CEP290: variants seen among roughly 807,000 people sequenced by gnomAD.
CEP290 encodes the protein centrosomal protein 290, also known as centrosomal protein of 290 kDa.
In CEP290, 317 loss-of-function variants were observed where a neutral mutation model predicts 344.9. The ratio of observed to expected loss-of-function variants is 0.92; its 90% confidence interval spans 0.84 to 1.01. The LOEUF (loss-of-function observed/expected upper bound fraction) is 1.01, where lower values mean the gene tolerates loss of function less well. Ranked by LOEUF, CEP290 falls within the 50% of genes least tolerant of loss-of-function variation. CEP290 has a pLI of 0.00. For missense variants in CEP290, 2,754 were observed against 2,761.4 expected, an observed-to-expected ratio of 1.00 and a Z score of 0.06; for synonymous variants, 932 against 895.8, an observed-to-expected ratio of 1.04 and a Z score of -0.72.
chr12:88,056,345 C>T (rs1034303448), intron 49 of CEP290, among the ~76,000 whole-genome samples: 15 of 151,900 alleles, frequency 9.9e-5, no homozygotes, highest in African/African-American at 2.9e-4. Context: ...AAAAATAATG[C>T]TTACAATATC....
Position 88,141,342 on chromosome 12 carries a change from A to C in CEP290, c.-27-8T>G. On this transcript the variant is annotated splice_polypyrimidine_tract_variant and splice_region_variant and intron_variant, in intron 1 of 53. Transcript: ENST00000552810. ...TTTCACTGTGCTCCACCTCTGTAAC[A>C]AAACAGGTGTATATTAGCATTTTCA... 7.2e-7 allele frequency: 1 copy of C among 1,393,752 alleles called. No homozygotes were observed. The highest frequency in any genetic ancestry group is 1.0e-6 in the Non-Finnish European group (1 of 997,610). 86.3% of individuals were successfully genotyped at this position (1,393,752 alleles called of 1,614,324 possible). A position where few individuals can be genotyped will look rare whatever the true frequency, so the allele number is the denominator to read the frequency against.
intron 49 of CEP290, among the ~76,000 whole-genome samples, chr12:88,056,537 C>CA (rs921572357): frequency 3.3e-5 from 5 of 152,072 alleles, no homozygotes; most frequent in African/African-American, 1.2e-4. Context: ...TTTAACCTGA[C>CA]AGAGATTATC....
chr12:88,125,020 T>C (rs1168772419), intron 13 of CEP290, among the ~76,000 whole-genome samples: 1 of 151,960 alleles, frequency 6.6e-6, no homozygotes, highest in Non-Finnish European at 1.5e-5. Context: ...GTAATAAACG[T>C]TAATGTAATT....
At chr12:88,092,603 A>G in intron 29 of CEP290, 78 bp downstream of exon 29, 1 of 1,233,188 alleles carries the variant, frequency 8.1e-7, no homozygotes, top group Non-Finnish European at 1.1e-6. Context: ...AGAATTGTAT[A>G]CCTGTAATTG....
At chr12:88,072,619 A>C (rs1404631527) in intron 41 of CEP290, among the ~76,000 whole-genome samples, 1 of 152,148 alleles carries the variant, frequency 6.6e-6, no homozygotes, top group Non-Finnish European at 1.5e-5. Context: ...TCCTCTGTAC[A>C]AACGACCAAC....
At chr12:88,078,015 T>C (rs1047984755) in intron 39 of CEP290, 97 bp from the exon 40 acceptor site, 22 of 533,062 alleles carry the variant, frequency 4.1e-5, no homozygotes, top group Admixed American at 2.8e-4. Flanking sequence ...ATAAGAAAAA[T>C]TCAGTCTGAA....
In CEP290 at chr12:88,139,638, T is replaced by A. The variant is rs948372503; in HGVS notation, c.181-74A>T. ...AAGCACTGAAAATAAAAATTCTGTTTTATTTGTTATGATCCTTAGTGCCAG... is the reference window on the plus strand; with the variant it reads ...AAGCACTGAAAATAAAAATTCTGTTATATTTGTTATGATCCTTAGTGCCAG... On this transcript the variant is annotated intron_variant, in intron 3 of 53. Transcript: ENST00000552810. 2.6e-6 allele frequency: 3 copies of A among 1,148,428 alleles called. No homozygotes were observed. The African/African-American group carries it at 4.8e-5, about 18-fold the overall frequency. 71.1% of individuals were successfully genotyped at this position (1,148,428 alleles called of 1,614,324 possible).
rs529480562 is a variant in CEP290 at position 88,102,508 on chromosome 12, T to C, written c.2991+330A>G. 3.3e-5 allele frequency among the ~76,000 whole-genome samples: 5 copies of C among 152,304 alleles called. No homozygotes were observed. In the South Asian group the frequency reaches 1.0e-3, roughly 32 times the overall value. ...CCTCCTTTGATTACAATATTCTACC[T>C]GTTTCATGCTCCTTTTTCTCTTAGA... On this transcript the variant is annotated intron_variant, in intron 26 of 53. Transcript: ENST00000552810.
At chr12:88,137,674 C>A (rs1263828445) in intron 5 of CEP290, among the ~76,000 whole-genome samples, 1 of 152,216 alleles carries the variant, frequency 6.6e-6, no homozygotes, top group African/African-American at 2.4e-5. Context: ...ATCCTCCTTT[C>A]CATCTCCTTG....
Position 88,049,117 on chromosome 12 carries a change from A to T in CEP290, c.*67T>A. ...AATACTACAGTTCGGAGAACTGCTT[A>T]TTTCCAAGTATATTTAACTTATAAA... On this transcript the variant is annotated 3_prime_UTR_variant, in exon 54 of 54. Transcript: ENST00000552810. The T allele has an allele frequency of 1.1e-6, 1 of 924,588 alleles. No individual in the cohort carries two copies. The highest frequency in any genetic ancestry group is 1.6e-6 in the Non-Finnish European group (1 of 606,586). The allele number at this position is 924,588 out of a possible 1,614,324, so 57.3% of individuals were successfully genotyped here.
At chr12:88,109,220 A>C (rs1462737746) in intron 22 of CEP290, 39 bp from the exon 23 acceptor site, 4 of 664,328 alleles carry the variant, frequency 6.0e-6, no homozygotes, top group Non-Finnish European at 1.0e-5. Flanking sequence ...AAAAAAAAAC[A>C]CAATAGAATA....
chr12:88,104,681 C>T (rs1397270603), intron 25 of CEP290, among the ~76,000 whole-genome samples: 1 of 151,966 alleles, frequency 6.6e-6, no homozygotes, highest in African/African-American at 2.4e-5. Flanking sequence ...GTGTAGAATA[C>T]TTTGCCTATA....
In CEP290 at chr12:88,106,718, T is replaced by A. The variant is rs752161315; in HGVS notation, c.2774A>T (p.Glu925Val). The A allele has an allele frequency of 6.2e-7, 1 of 1,611,590 alleles. No individual in the cohort carries two copies. Among genetic ancestry groups the A allele is most frequent in the East Asian group, 2.2e-5 (1 of 44,736 alleles). Reference protein sequence around the residue: ...EKQKNELLSMEAEVCEKIGCL... With the variant: ...EKQKNELLSMVAEVCEKIGCL... ...CCCAATTTTTTCACAAACTTCAGCC[T>A]CCATTGACAACAATTCATTCTTTTG... The change falls in exon 25 of 54, where the codon GAG becomes GTG. Residue 925 changes from glutamate to valine, a missense_variant. Coordinates refer to ENST00000552810, the MANE Select transcript of CEP290 (RefSeq NM_025114.4).
rs534754157 is a variant in CEP290 at position 88,139,608 on chromosome 12, A to T, written c.181-44T>A. 9.8e-5 allele frequency: 131 copies of T among 1,335,298 alleles called. No homozygotes were observed. In the East Asian group the frequency reaches 3.5e-3, roughly 36 times the overall value. The allele number at this position is 1,335,298 out of a possible 1,614,324, so 82.7% of individuals were successfully genotyped here. ...TTATTTCAATATGCCTTTATACTGG[A>T]ATGTAAGCACTGAAAATAAAAATTC... On this transcript the variant is annotated intron_variant, in intron 3 of 53. Coordinates refer to ENST00000552810, the MANE Select transcript of CEP290 (RefSeq NM_025114.4).
At chr12:88,110,561 A>G (rs2038614757) in intron 22 of CEP290, among the ~76,000 whole-genome samples, 2 of 151,994 alleles carry the variant, frequency 1.3e-5, no homozygotes, top group South Asian at 4.1e-4. Context: ...AAAAAAATAC[A>G]AAAATTAGCC....
intron 25 of CEP290, among the ~76,000 whole-genome samples, chr12:88,106,274 C>T (rs569677054): frequency 5.9e-5 from 9 of 152,062 alleles, no homozygotes; most frequent in African/African-American, 2.2e-4. Flanking sequence ...GATACATCTT[C>T]AAACATTTTT....
At chr12:88,131,792 A>C (rs1189670855) in intron 6 of CEP290, among the ~76,000 whole-genome samples, 3 of 152,154 alleles carry the variant, frequency 2.0e-5, no homozygotes, top group Non-Finnish European at 2.9e-5. Context: ...GAAACAAATT[A>C]ATCTGCTCCT....
At chr12:88,078,830 G>C (rs1169125489) in intron 39 of CEP290, among the ~76,000 whole-genome samples, 1 of 151,862 alleles carries the variant, frequency 6.6e-6, no homozygotes, top group African/African-American at 2.4e-5. Flanking sequence ...AAAATCCTAA[G>C]TAAAATATTT....
chr12:88,086,925 AAAATT>A (rs1394968495), intron 32 of CEP290, among the ~76,000 whole-genome samples: 1 of 152,224 alleles, frequency 6.6e-6, no homozygotes. Context: ...ACTTTGGAGA[AAAATT>A]AAGTTAATTA....
Sources: gnomAD v4.1 joint callset for allele counts (sites outside exome capture counted in the v4.1 genomes callset) on GRCh38, gnomAD v4.1.1 for gene constraint, MANE v1.5 for transcripts, NCBI Gene and HGNC (gene_info 2026-07-23, HGNC 2026-07-21) for gene names.